CAMTA1: variants seen among roughly 807,000 people sequenced by gnomAD.
CAMTA1 encodes calmodulin binding transcription activator 1.
Under a neutral mutation model 170.9 loss-of-function variants are expected in CAMTA1, and 27 were observed. The observed-to-expected ratio is 0.16, with a 90% CI of 0.12 to 0.22. The LOEUF is 0.22. Among genes scored for constraint, CAMTA1 ranks in the 10% least tolerant of loss-of-function variants. The probability of loss-of-function intolerance (pLI) is 1.00; values close to 1 mark genes in which losing one functional copy is unlikely to be tolerated. For synonymous variants in CAMTA1, 833 were observed against 891.5 expected (o/e 0.93, Z 1.17); for missense variants, 1,619 against 2,217.2 (o/e 0.73, Z 5.42).
intron 4 of CAMTA1, among the ~76,000 whole-genome samples, chr1:7,133,478 G>C (rs559277853): frequency 6.6e-6 from 1 of 151,806 alleles, no homozygotes; most frequent in African/African-American, 2.4e-5. Context: ...TCCCTTATCA[G>C]TTTTTCTAGA....
rs1233935621 is a variant in CAMTA1, at chr1:7,144,453, A to G, written c.302+53082A>G. Among the ~76,000 whole-genome samples the G allele has an allele frequency of 6.6e-6, 1 of 152,166 alleles. No individual in the cohort carries two copies. The highest frequency in any genetic ancestry group is 2.4e-5 in the African/African-American group (1 of 41,440). On this transcript the variant is annotated intron_variant, in intron 4 of 22. Coordinates refer to ENST00000303635, the MANE Select transcript of CAMTA1 (RefSeq NM_015215.4). The surrounding 1 kb of genome is among the most constrained non-coding windows in gnomAD (Gnocchi z 4.0). The stretch of plus-strand genomic sequence containing the variant: ...CAGTCACACTGAGGCCACTGAGGGT[A>G]AGGGCCTGAACATATGAATTTTGGG...
intron 4 of CAMTA1, among the ~76,000 whole-genome samples, chr1:7,155,566 G>A (rs567344410): frequency 3.8e-4 from 58 of 151,458 alleles, no homozygotes; most frequent in Non-Finnish European, 7.4e-4. Context: ...CTGAGTGGCT[G>A]GGACCACAGG....
At chr1:6,877,468 TAATG>T (rs1670246718) in intron 3 of CAMTA1, among the ~76,000 whole-genome samples, 1 of 152,098 alleles carries the variant, frequency 6.6e-6, no homozygotes, top group Non-Finnish European at 1.5e-5. Flanking sequence ...GAAAGGGAGT[TAATG>T]AAGGAAAAGT....
chr1:7,230,436 C>CA (rs1200379242), intron 4 of CAMTA1, among the ~76,000 whole-genome samples: 1 of 76,066 alleles, frequency 1.3e-5, no homozygotes, highest in Non-Finnish European at 2.8e-5. Flanking sequence ...GGGCTGACCC[C>CA]CCCCCCCCGC....
chr1:7,033,498 C>T (rs1703088508), intron 3 of CAMTA1, among the ~76,000 whole-genome samples: 1 of 148,922 alleles, frequency 6.7e-6, no homozygotes, highest in African/African-American at 2.5e-5. Context: ...TTTCCTGCTT[C>T]TTTGTATGCC....
Position 7,113,974 on chromosome 1 carries a change from G to T in CAMTA1, c.302+22603G>T, listed in dbSNP as rs1461868292. 1.3e-5 allele frequency among the ~76,000 whole-genome samples: 2 copies of T among 152,132 alleles called. No homozygotes were observed. Among genetic ancestry groups the T allele is most frequent in the African/African-American group, 4.8e-5 (2 of 41,444 alleles). On this transcript the variant is annotated intron_variant, in intron 4 of 22. Coordinates refer to ENST00000303635, the MANE Select transcript of CAMTA1 (RefSeq NM_015215.4). This position sits in a 1 kb window ranked among gnomAD's most constrained non-coding sequence, Gnocchi z 4.5. The stretch of plus-strand genomic sequence containing the variant: ...AAGCCACTGTTTCGGATTCTTCAGG[G>T]CTGGCCTTCCCTCTTCACAGCCCCT...
chr1:7,595,459 G>T (rs1367630991), intron 6 of CAMTA1, among the ~76,000 whole-genome samples: 1 of 152,204 alleles, frequency 6.6e-6, no homozygotes, highest in African/African-American at 2.4e-5. Flanking sequence ...CCTTAATTTG[G>T]TTCTTCTTTA....
In CAMTA1 at chr1:7,660,653, G is replaced by A. The variant is rs572327382; in HGVS notation, c.665-1073G>A. Among the ~76,000 whole-genome samples the A allele has an allele frequency of 1.6e-4, 25 of 152,350 alleles. No individual in the cohort carries two copies. In the South Asian group the frequency reaches 2.5e-3, roughly 15 times the overall value. On this transcript the variant is annotated intron_variant, in intron 7 of 22. Transcript: ENST00000303635. ...ACCTTCTAGAGCCCTTCACAGAACT[G>A]GGGCCAGTGCTGCGAGGGTTAGCGG... is the stretch of plus-strand genomic sequence containing the variant.
intron 3 of CAMTA1, among the ~76,000 whole-genome samples, chr1:6,847,539 T>G (rs1658686908): frequency 6.6e-6 from 1 of 151,154 alleles, no homozygotes; most frequent in Admixed American, 6.6e-5. Flanking sequence ...TGCGTTTAAA[T>G]TTTGTTTTTT....
At chr1:7,462,792 A>G (rs1031583885) in intron 5 of CAMTA1, among the ~76,000 whole-genome samples, 1 of 152,076 alleles carries the variant, frequency 6.6e-6, no homozygotes, top group African/African-American at 2.4e-5. Context: ...AGCTGGACAC[A>G]TCTGCTCTCT....
At chr1:7,763,855 T>C (rs970150594) in intron 22 of CAMTA1, among the ~76,000 whole-genome samples, 1 of 152,224 alleles carries the variant, frequency 6.6e-6, no homozygotes, top group Non-Finnish European at 1.5e-5. Context: ...ATTATAGACA[T>C]CTCATCAGTG....
chr1:6,967,610 C>G (rs118092296), intron 3 of CAMTA1, among the ~76,000 whole-genome samples: 4 of 152,156 alleles, frequency 2.6e-5, no homozygotes, highest in African/African-American at 9.6e-5. Flanking sequence ...CTGGTGGCCA[C>G]GTGTTCCTGC....
intron 4 of CAMTA1, among the ~76,000 whole-genome samples, chr1:7,226,404 G>A (rs1390907628): frequency 6.6e-6 from 1 of 152,122 alleles, no homozygotes; most frequent in East Asian, 1.9e-4. Flanking sequence ...CCCCGTGAAT[G>A]CTTGCTGAGT....
intron 1 of CAMTA1, among the ~76,000 whole-genome samples, chr1:6,787,107 C>T (rs1245669522): frequency 3.9e-5 from 6 of 152,268 alleles, no homozygotes; most frequent in Non-Finnish European, 2.9e-5. Flanking sequence ...TGAGAGAACT[C>T]ATATCCTCCT....
At chr1:7,347,472 G>C (rs1325506059) in intron 5 of CAMTA1, among the ~76,000 whole-genome samples, 1 of 152,224 alleles carries the variant, frequency 6.6e-6, no homozygotes. Flanking sequence ...CCAGGTCACA[G>C]CCTTTGGTTT....
intron 11 of CAMTA1, among the ~76,000 whole-genome samples, chr1:7,704,541 C>A (rs2096484523): frequency 6.7e-6 from 1 of 148,224 alleles, no homozygotes; most frequent in Non-Finnish European, 1.5e-5. Context: ...CAGCGCGGCT[C>A]GGGCGCAGTT....
chr1:7,173,205 T>C lies in CAMTA1; in HGVS notation c.303-76286T>C, dbSNP rs957661274. On this transcript the variant is annotated intron_variant, in intron 4 of 22. Coordinates refer to ENST00000303635, the MANE Select transcript of CAMTA1 (RefSeq NM_015215.4). The surrounding 1 kb of genome is among the most constrained non-coding windows in gnomAD (Gnocchi z 5.4). ...TATGTCTATGTTTGCATCCCAGCTT[T>C]ACAGCTTCCCAGTTCTCTGGCCTCA... Among the ~76,000 whole-genome samples the C allele has an allele frequency of 6.6e-6, 1 of 152,214 alleles. No homozygotes were observed. The highest frequency in any genetic ancestry group is 2.4e-5 in the African/African-American group (1 of 41,458).
chr1:7,099,621 C>T (rs1381995646), intron 4 of CAMTA1, among the ~76,000 whole-genome samples: 1 of 152,220 alleles, frequency 6.6e-6, no homozygotes, highest in Non-Finnish European at 1.5e-5. Context: ...ACTGTGTCCA[C>T]TGCCTGGCTC....
chr1:6,896,132 C>T (rs1350748702), intron 3 of CAMTA1, among the ~76,000 whole-genome samples: 20 of 151,998 alleles, frequency 1.3e-4, no homozygotes, highest in African/African-American at 2.4e-5. Context: ...TTTTTTGAAC[C>T]GTTTGGGAAA....
Sources: gnomAD v4.1 joint callset for allele counts (sites outside exome capture counted in the v4.1 genomes callset) on GRCh38, gnomAD v4.1.1 for gene constraint, Gnocchi (gnomAD v3.1) non-coding constraint, MANE v1.5 for transcripts, NCBI Gene and HGNC (gene_info 2026-07-23, HGNC 2026-07-21) for gene names.